HPSE2: variants seen among roughly 807,000 people sequenced by gnomAD.
HPSE2 encodes inactive heparanase-2.
HPSE2 carries 38 observed loss-of-function variants against 60.5 expected under a neutral mutation model. The ratio of observed to expected loss-of-function variants is 0.63; its 90% CI spans 0.48 to 0.82. The LOEUF (loss-of-function observed/expected upper bound fraction) is 0.82, where lower values mean the gene tolerates loss of function less well. Ranked by LOEUF, HPSE2 falls within the 40% of genes least tolerant of loss-of-function variation. The pLI is 0.00. For missense variants in HPSE2, 713 were observed against 740.4 expected, an observed-to-expected ratio of 0.96 and a Z score of 0.43; for synonymous variants, 295 against 293.2, an observed-to-expected ratio of 1.01 and a Z score of -0.06.
intron 3 of HPSE2, among the ~76,000 whole-genome samples, chr10:99,015,600 T>C (rs947232070): frequency 3.6e-4 from 54 of 149,236 alleles, no homozygotes; most frequent in African/African-American, 1.3e-3. Context: ...TTCTCACTCA[T>C]AGGTGGGAAT....
intron 3 of HPSE2, among the ~76,000 whole-genome samples, chr10:98,928,004 C>A (rs113788976): frequency 0.064 from 8,533 of 132,994 alleles, 14 homozygotes; most frequent in South Asian, 0.1. Flanking sequence ...TAATTAAACT[C>A]AAGAGCTTCT....
Position 98,960,701 on chromosome 10 carries a change from C to CTTT in HPSE2, c.610+183534_610+183536dup. On this transcript the variant is annotated intron_variant, in intron 3 of 11. Coordinates refer to ENST00000370552, the MANE Select transcript of HPSE2 (RefSeq NM_021828.5). ...GAATTACAGTTAACTATGTACATTT[C>CTTT]TTTTTTTTTTTTTTTTTTTGTTTTA... Among the ~76,000 whole-genome samples the CTTT allele has an allele frequency of 7.8e-3, 445 of 57,328 alleles. 4 individuals carry two copies. Among genetic ancestry groups the CTTT allele is most frequent in the South Asian group, 0.022 (37 of 1,664 alleles). 37.6% of individuals were successfully genotyped at this position (57,328 alleles called of 152,430 possible). A position where few individuals can be genotyped will look rare whatever the true frequency, so the allele number is the denominator to read the frequency against.
At chr10:98,771,001 G>T (rs1950229257) in intron 3 of HPSE2, among the ~76,000 whole-genome samples, 1 of 152,086 alleles carries the variant, frequency 6.6e-6, no homozygotes, top group African/African-American at 2.4e-5. Context: ...AATAATTCTG[G>T]GATTTAAAAG....
intron 9 of HPSE2, among the ~76,000 whole-genome samples, chr10:98,586,399 C>G (rs1261666475): frequency 6.6e-6 from 1 of 152,210 alleles, no homozygotes; most frequent in Non-Finnish European, 1.5e-5. Context: ...TCCTAAACGA[C>G]ATTCACATAG....
intron 3 of HPSE2, among the ~76,000 whole-genome samples, chr10:98,860,923 T>G (rs1294509650): frequency 6.6e-6 from 1 of 152,186 alleles, no homozygotes; most frequent in Non-Finnish European, 1.5e-5. Context: ...GGCACATACA[T>G]AAACAAAATG....
intron 3 of HPSE2, among the ~76,000 whole-genome samples, chr10:99,059,943 T>A (rs968058449): frequency 2.0e-5 from 3 of 152,034 alleles, no homozygotes; most frequent in African/African-American, 7.2e-5. Context: ...TGAAAATTTA[T>A]AACAATATAA....
chr10:98,722,306 T>C (rs1948947693), intron 4 of HPSE2, among the ~76,000 whole-genome samples: 1 of 150,820 alleles, frequency 6.6e-6, no homozygotes, highest in African/African-American at 2.4e-5. Context: ...GAGAGAAGAA[T>C]GCCACGTGAC....
intron 9 of HPSE2, among the ~76,000 whole-genome samples, chr10:98,560,429 C>G (rs887593578): frequency 3.9e-5 from 6 of 152,226 alleles, no homozygotes; most frequent in African/African-American, 1.2e-4. Context: ...ATGTCTCTGC[C>G]CTGAGATGCA....
intron 6 of HPSE2, among the ~76,000 whole-genome samples, chr10:98,658,912 GT>G (rs11358600): frequency 0.26 from 36,275 of 140,084 alleles, 4,819 homozygotes; most frequent in East Asian, 0.52. Context: ...TACTGGCAGA[GT>G]TTTTTTTTTT....
chr10:98,594,825 C>T (rs920414326), intron 9 of HPSE2, among the ~76,000 whole-genome samples: 1 of 152,130 alleles, frequency 6.6e-6, no homozygotes, highest in African/African-American at 2.4e-5. Context: ...TATCTACCAG[C>T]AAGATTTCTG....
intron 9 of HPSE2, among the ~76,000 whole-genome samples, chr10:98,534,201 G>C (rs1943212668): frequency 6.6e-6 from 1 of 152,164 alleles, no homozygotes; most frequent in Non-Finnish European, 1.5e-5. Context: ...AGGAAATGGA[G>C]GACAATTTGA....
the HPSE2 span, among the ~76,000 whole-genome samples, chr10:99,248,284 T>C: frequency 3.3e-5 from 5 of 152,176 alleles, no homozygotes; most frequent in African/African-American, 1.2e-4. Context: ...CAGGCTGAGA[T>C]GGTCTCAGAT....
chr10:98,894,559 A>G (rs1953429580), intron 3 of HPSE2, among the ~76,000 whole-genome samples: 1 of 152,178 alleles, frequency 6.6e-6, no homozygotes, highest in South Asian at 2.1e-4. Flanking sequence ...CATGGAAGAT[A>G]GAGCTAAAGA....
chr10:98,863,013 C>G (rs561277074), intron 3 of HPSE2, among the ~76,000 whole-genome samples: 68 of 152,260 alleles, frequency 4.5e-4, no homozygotes, highest in African/African-American at 1.6e-3. Context: ...ATCCTCTCGG[C>G]TTGGCCTCTC....
intron 11 of HPSE2, chr10:98,461,688 A>C: frequency 9.2e-7 from 1 of 1,084,408 alleles, no homozygotes; most frequent in Admixed American, 2.2e-5. Context: ...ACTCAAATTT[A>C]TATCAGGTCT....
At chr10:99,305,647 T>C in the HPSE2 span, among the ~76,000 whole-genome samples, 3 of 152,134 alleles carry the variant, frequency 2.0e-5, no homozygotes, top group Admixed American at 6.5e-5. Context: ...ACATCTTACA[T>C]GGCTGATAAC....
chr10:98,897,765 G>A (rs2134965024), intron 3 of HPSE2, among the ~76,000 whole-genome samples: 1 of 152,150 alleles, frequency 6.6e-6, no homozygotes, highest in East Asian at 1.9e-4. Flanking sequence ...AGGAGAAAAT[G>A]GTTGAGACCT....
chr10:98,955,704 C>A (rs1050133152), intron 3 of HPSE2, among the ~76,000 whole-genome samples: 17 of 152,114 alleles, frequency 1.1e-4, no homozygotes, highest in Admixed American at 9.8e-4. Flanking sequence ...ATCGAATCAA[C>A]CCAAATGCCC....
chr10:98,799,316 G>A (rs1950852237), intron 3 of HPSE2, among the ~76,000 whole-genome samples: 1 of 152,176 alleles, frequency 6.6e-6, no homozygotes, highest in South Asian at 2.1e-4. Flanking sequence ...TAAAGAGAGA[G>A]ATAGGGCCCA....
Sources: allele counts gnomAD v4.1 joint callset (sites outside exome capture counted in the v4.1 genomes callset), GRCh38; gene constraint gnomAD v4.1.1; transcripts MANE v1.5; gene names NCBI Gene and HGNC (gene_info 2026-07-23, HGNC 2026-07-21).